The following NAALADL2 variants were observed in gnomAD, a reference collection of about 807,000 sequenced individuals.
The protein encoded by NAALADL2 is N-acetylated alpha-linked acidic dipeptidase like 2.
In NAALADL2, 76 loss-of-function variants were observed where a neutral mutation model predicts 87.2. That is an observed-to-expected ratio of 0.87 (90% CI 0.72 to 1.05). NAALADL2 has a LOEUF of 1.05. NAALADL2 is among the 50% of genes least tolerant of loss of function. The probability of loss-of-function intolerance (pLI) is 0.00; values close to 1 mark genes in which losing one functional copy is unlikely to be tolerated. For missense variants in NAALADL2, 1,089 were observed against 945.8 expected, an observed-to-expected ratio of 1.15 and a Z score of -1.99; for synonymous variants, 354 against 331.0, an observed-to-expected ratio of 1.07 and a Z score of -0.75.
intron 4 of NAALADL2, among the ~76,000 whole-genome samples, chr3:175,314,927 A>G (rs1216917889): frequency 6.6e-6 from 1 of 151,738 alleles, no homozygotes; most frequent in African/African-American, 2.4e-5. Flanking sequence ...TCTATGAGGC[A>G]TTGGGTAGAA....
At chr3:174,668,854 C>G (rs560899743) in intron 2 of NAALADL2, among the ~76,000 whole-genome samples, 25 of 152,288 alleles carry the variant, frequency 1.6e-4, no homozygotes, top group African/African-American at 6.0e-4. Flanking sequence ...CAAGTCTTTG[C>G]TATTATGAAT....
intron 3 of NAALADL2, among the ~76,000 whole-genome samples, chr3:174,747,801 C>T (rs975805785): frequency 6.6e-6 from 1 of 151,956 alleles, no homozygotes; most frequent in African/African-American, 2.4e-5. Flanking sequence ...CCAGCAATTC[C>T]ATTATAGGGT....
intron 10 of NAALADL2, among the ~76,000 whole-genome samples, chr3:175,620,759 C>T (rs946913343): frequency 6.6e-6 from 1 of 152,128 alleles, no homozygotes; most frequent in African/African-American, 2.4e-5. Flanking sequence ...CACATGTTGC[C>T]GCTCTTTTCG....
intron 4 of NAALADL2, among the ~76,000 whole-genome samples, chr3:175,319,078 C>T (rs1311098645): frequency 1.3e-5 from 2 of 152,228 alleles, no homozygotes; most frequent in Non-Finnish European, 2.9e-5. Context: ...TAGACTCTCC[C>T]TCCCCCACAT....
rs545345046 is a variant in NAALADL2 at position 175,693,285 on chromosome 3, T to C, written c.1897-44021T>C. Among the ~76,000 whole-genome samples the C allele has an allele frequency of 6.6e-5, 10 of 152,154 alleles. No homozygotes were observed. The South Asian group carries it at 1.2e-3, about 19-fold the overall frequency. ...ACTCCATCTCCAGTCCCTCCAGAGG[T>C]TCATCTATTACAGTGGCCTAAATTC... On this transcript the variant is annotated intron_variant, in intron 11 of 13. Coordinates refer to ENST00000454872, the MANE Select transcript of NAALADL2 (RefSeq NM_207015.3).
intron 1 of NAALADL2, among the ~76,000 whole-genome samples, chr3:174,987,915 T>C (rs1257097698): frequency 6.6e-6 from 1 of 150,676 alleles, no homozygotes; most frequent in Non-Finnish European, 1.5e-5. Context: ...TAATGGGTCA[T>C]CCCACCTTTG....
At chr3:175,465,471 A>ATTTT (rs1560595976) in intron 7 of NAALADL2, among the ~76,000 whole-genome samples, 1 of 129,036 alleles carries the variant, frequency 7.7e-6, no homozygotes, top group African/African-American at 3.4e-5. Context: ...CATGAATTAA[A>ATTTT]TCTTTTTTTT....
chr3:175,134,785 CTAAGT>C (rs778141876), intron 2 of NAALADL2, among the ~76,000 whole-genome samples: 4 of 152,186 alleles, frequency 2.6e-5, no homozygotes, highest in Non-Finnish European at 5.9e-5. Flanking sequence ...CACTGCCACT[CTAAGT>C]GAGACCATGA....
chr3:175,245,053 T>G (rs1327994787), intron 3 of NAALADL2, among the ~76,000 whole-genome samples: 1 of 152,168 alleles, frequency 6.6e-6, no homozygotes, highest in Non-Finnish European at 1.5e-5. Context: ...TAATACCCTC[T>G]TTCTTGGACT....
intron 1 of NAALADL2, among the ~76,000 whole-genome samples, chr3:174,477,417 A>G (rs960477339): frequency 2.0e-5 from 3 of 152,130 alleles, no homozygotes; most frequent in African/African-American, 7.2e-5. Flanking sequence ...TAACATATGC[A>G]TCCCAGTGGA....
chr3:175,793,329 G>T (rs1269169216), intron 13 of NAALADL2, among the ~76,000 whole-genome samples: 1 of 132,956 alleles, frequency 7.5e-6, no homozygotes, highest in East Asian at 2.1e-4. Flanking sequence ...TTTTTTTCGA[G>T]ACGGAGTCTC....
chr3:175,442,222 G>A (rs904859643), intron 5 of NAALADL2, among the ~76,000 whole-genome samples: 10 of 152,032 alleles, frequency 6.6e-5, no homozygotes, highest in Non-Finnish European at 1.3e-4. Flanking sequence ...TTGGATTACA[G>A]GTGTGAGCCA....
intron 1 of NAALADL2, among the ~76,000 whole-genome samples, chr3:174,963,632 C>T (rs1024099548): frequency 2.0e-4 from 31 of 151,996 alleles, no homozygotes; most frequent in African/African-American, 6.5e-4. Flanking sequence ...TGCCTGTGTC[C>T]GCCATGGTTT....
chr3:175,368,919 C>G (rs533695371), intron 5 of NAALADL2, among the ~76,000 whole-genome samples: 3 of 152,074 alleles, frequency 2.0e-5, no homozygotes, highest in East Asian at 1.9e-4. Flanking sequence ...AAAATTGCCA[C>G]CCCTGTATAG....
chr3:174,895,674 T>C (rs1731427441), intron 1 of NAALADL2, among the ~76,000 whole-genome samples: 2 of 152,146 alleles, frequency 1.3e-5, no homozygotes, highest in African/African-American at 2.4e-5. Flanking sequence ...TCCAAACTTA[T>C]TGTATGAGGC....
chr3:175,781,004 T>C (rs1233202552), intron 13 of NAALADL2, among the ~76,000 whole-genome samples: 1 of 152,206 alleles, frequency 6.6e-6, no homozygotes, highest in African/African-American at 2.4e-5. Context: ...CTACAGGTAT[T>C]CAGCTTACAT....
At chr3:174,828,994 A>T (rs1722305987) in intron 3 of NAALADL2, among the ~76,000 whole-genome samples, 1 of 152,244 alleles carries the variant, frequency 6.6e-6, no homozygotes, top group Non-Finnish European at 1.5e-5. Context: ...AATCATTAAA[A>T]TACTCAAATT....
chr3:174,630,998 T>A (rs1560105017), intron 2 of NAALADL2, among the ~76,000 whole-genome samples: 3 of 152,178 alleles, frequency 2.0e-5, no homozygotes, highest in Non-Finnish European at 4.4e-5. Context: ...CAGAAGAGCC[T>A]GTTATGGCAT....
Position 175,471,664 on chromosome 3 carries a change from A to T in NAALADL2, c.1559A>T (p.Asn520Ile), listed in dbSNP as rs754430495. 3 of 1,535,774 alleles carry T rather than the reference A, an allele frequency of 2.0e-6. No homozygotes were observed. In the South Asian group the frequency reaches 3.4e-5, roughly 18 times the overall value. Residue 520 changes from asparagine (N) to isoleucine (I), a missense_variant, in exon 9 of 14, where the codon AAT (asparagine) becomes ATT (isoleucine). Coordinates refer to ENST00000454872, the MANE Select transcript of NAALADL2 (RefSeq NM_207015.3). ...GATTTCAAGAAGGTTCTTCAGAAAA[A>T]TGTTGTGGCTTATATTAGCCTCCAC... ...GEDFKKVLQK[N>I]VVAYISLHSP...
Sources: allele counts gnomAD v4.1 joint callset (sites outside exome capture counted in the v4.1 genomes callset), GRCh38; gene constraint gnomAD v4.1.1; transcripts MANE v1.5; gene names NCBI Gene and HGNC (gene_info 2026-07-23, HGNC 2026-07-21).